Variants in GPR137C observed in about 807,000 individuals in gnomAD.
GPR137C encodes G protein-coupled receptor 137C.
Under a neutral mutation model 43.4 loss-of-function variants are expected in GPR137C, and 27 were observed. The observed-to-expected ratio is 0.62, with a 90% CI of 0.46 to 0.86. The LOEUF is 0.86. Among genes scored for constraint, GPR137C ranks in the 40% least tolerant of loss-of-function variants. GPR137C has a pLI of 0.00. For missense variants in GPR137C, 522 were observed against 534.6 expected, an observed-to-expected ratio of 0.98 and a Z score of 0.23; for synonymous variants, 285 against 226.9, an observed-to-expected ratio of 1.26 and a Z score of -2.30.
In GPR137C at chr14:52,552,850, G is replaced by T. The variant is rs561145053; in HGVS notation, c.-298G>T. On this transcript the variant is annotated 5_prime_UTR_variant, in exon 1 of 7. Transcript: ENST00000321662. ...CGCGAGCCCACAGTGCGGAGCGAGC[G>T]CCTCAAATGCTCGGGTTTCTCAGCT... Among the ~76,000 whole-genome samples, 12 of 152,086 alleles carry T rather than the reference G, an allele frequency of 7.9e-5. No homozygotes were observed. Among genetic ancestry groups the T allele is most frequent in the Admixed American group, 7.2e-4 (11 of 15,288 alleles).
chr14:52,628,612 A>G (rs2039257921), intron 3 of GPR137C, among the ~76,000 whole-genome samples: 1 of 152,178 alleles, frequency 6.6e-6, no homozygotes, highest in Non-Finnish European at 1.5e-5. Context: ...CCTGGCCAAC[A>G]TGGTAAAACT....
At chr14:52,604,185 A>G (rs967355047) in intron 3 of GPR137C, among the ~76,000 whole-genome samples, 8 of 152,122 alleles carry the variant, frequency 5.3e-5, no homozygotes, top group Admixed American at 4.6e-4. Flanking sequence ...GATAACTTGT[A>G]AATATTTACT....
At chr14:52,564,977 T>A (rs1018863642) in intron 1 of GPR137C, among the ~76,000 whole-genome samples, 1 of 152,100 alleles carries the variant, frequency 6.6e-6, no homozygotes, top group African/African-American at 2.4e-5. Flanking sequence ...CAAAATCAGA[T>A]GCCTAGAGGG....
At chr14:52,613,711 C>A (rs1594803293) in intron 3 of GPR137C, 1 of 274,002 alleles carries the variant, frequency 3.6e-6, no homozygotes, top group Non-Finnish European at 7.4e-6. Context: ...AATAGTACTC[C>A]ATTGTGTGTA....
chr14:52,583,582 T>C (rs1232807956), intron 1 of GPR137C, among the ~76,000 whole-genome samples: 2 of 152,226 alleles, frequency 1.3e-5, no homozygotes, highest in African/African-American at 4.8e-5. Flanking sequence ...ATGCCTTCAC[T>C]GAAATCTAGC....
chr14:52,623,333 G>A (rs925397801), intron 3 of GPR137C, among the ~76,000 whole-genome samples: 1 of 152,118 alleles, frequency 6.6e-6, no homozygotes, highest in Admixed American at 6.5e-5. Context: ...CCATCCAGCA[G>A]GCATTCAGCA....
chr14:52,564,802 T>C (rs776078291), intron 1 of GPR137C, among the ~76,000 whole-genome samples: 11 of 152,170 alleles, frequency 7.2e-5, no homozygotes, highest in South Asian at 2.1e-4. Flanking sequence ...TCAGTAAATA[T>C]TGAATGAAGT....
At chr14:52,599,131 G>A (rs1055576963) in intron 2 of GPR137C, among the ~76,000 whole-genome samples, 5 of 152,118 alleles carry the variant, frequency 3.3e-5, no homozygotes, top group South Asian at 2.1e-4. Flanking sequence ...CTGGGATTAC[G>A]TTCGTGCAGA....
In GPR137C at chr14:52,600,396, A is replaced by G. The variant is rs1441732434; in HGVS notation, c.717+55A>G. ...AAATCTAATTTCAAATTCTTACCCT[A>G]CTAATCATATTTTAATGGAAAGTTT... is the stretch of plus-strand genomic sequence containing the variant. On this transcript the variant is annotated intron_variant, in intron 3 of 6. Transcript: ENST00000321662. The G allele has an allele frequency of 1.4e-5, 12 of 862,872 alleles. 1 individual carries two copies. The highest frequency in any genetic ancestry group is 9.9e-5 in the Admixed American group (4 of 40,452). 53.5% of individuals were successfully genotyped at this position (862,872 alleles called of 1,614,324 possible). A position where few individuals can be genotyped will look rare whatever the true frequency, so the allele number is the denominator to read the frequency against.
At chr14:52,570,026 T>C (rs892709880) in intron 1 of GPR137C, among the ~76,000 whole-genome samples, 8 of 151,844 alleles carry the variant, frequency 5.3e-5, no homozygotes, top group African/African-American at 1.7e-4. Context: ...AGAAGAGCAA[T>C]GCAAGACACA....
chr14:52,596,495 G>A (rs892366238), intron 1 of GPR137C, among the ~76,000 whole-genome samples: 9 of 152,346 alleles, frequency 5.9e-5, no homozygotes, highest in African/African-American at 2.2e-4. Flanking sequence ...GAGCTTCCTG[G>A]CTGGTTTGTT....
rs542681691 is a variant in GPR137C, at chr14:52,635,400, T to A, written c.*285T>A. 3.7e-6 allele frequency: 1 copy of A among 270,132 alleles called. No homozygotes were observed. The highest frequency in any genetic ancestry group is 6.8e-5 in the South Asian group (1 of 14,640). The allele number at this position is 270,132 out of a possible 1,614,324, so 16.7% of individuals were successfully genotyped here. A position where few individuals can be genotyped will look rare whatever the true frequency, so the allele number is the denominator to read the frequency against. On this transcript the variant is annotated 3_prime_UTR_variant, in exon 7 of 7. Coordinates refer to ENST00000321662, the MANE Select transcript of GPR137C (RefSeq NM_001099652.2). ...GAACATCAAATGCATATGTGCACTTTTATCTTTGTTCTGAGTCACTGCAGT... is the reference window on the plus strand; with the variant it reads ...GAACATCAAATGCATATGTGCACTTATATCTTTGTTCTGAGTCACTGCAGT...
In GPR137C at chr14:52,600,311, G is replaced by T; in HGVS notation, c.687G>T (p.Met229Ile). The stretch of plus-strand genomic sequence containing the variant: ...GTTACATATGCAAAATTACAAAAAT[G>T]TCATCAGCTAATGTCTACCTCGAAT... ...LVCYICKITKMSSANVYLESK... is the reference protein window; with the variant it reads ...LVCYICKITKISSANVYLESK... Residue 229 changes from methionine to isoleucine, a missense_variant, in exon 3 of 7, where the codon ATG becomes ATT. Met to Ile is a conservative substitution (Grantham distance 10). Coordinates refer to ENST00000321662, the MANE Select transcript of GPR137C (RefSeq NM_001099652.2). 1 of 1,605,886 alleles carries T rather than the reference G, an allele frequency of 6.2e-7. No individual in the cohort carries two copies. The highest frequency in any genetic ancestry group is 8.5e-7 in the Non-Finnish European group (1 of 1,173,362).
chr14:52,629,592 G>C (rs1195978513), intron 3 of GPR137C, among the ~76,000 whole-genome samples: 1 of 152,138 alleles, frequency 6.6e-6, no homozygotes, highest in Non-Finnish European at 1.5e-5. Flanking sequence ...ACATACAAGA[G>C]TTCATATTCT....
intron 3 of GPR137C, among the ~76,000 whole-genome samples, chr14:52,604,814 G>T (rs888976801): frequency 3.3e-5 from 5 of 152,084 alleles, no homozygotes; most frequent in African/African-American, 1.2e-4. Flanking sequence ...TATTGAGATT[G>T]TGACTTCCCC....
chr14:52,585,975 G>A (rs1485517133), intron 1 of GPR137C, among the ~76,000 whole-genome samples: 1 of 152,218 alleles, frequency 6.6e-6, no homozygotes, highest in Non-Finnish European at 1.5e-5. Context: ...GGGCAGCACT[G>A]TGAGAGGATG....
rs2038486116 is a variant in GPR137C at position 52,572,459 on chromosome 14, A to T, written c.444+18868A>T. Among the ~76,000 whole-genome samples, 3 of 152,236 alleles carry T rather than the reference A, an allele frequency of 2.0e-5. No homozygotes were observed. In the South Asian group the frequency reaches 6.2e-4, roughly 32 times the overall value. On this transcript the variant is annotated intron_variant, in intron 1 of 6. Coordinates refer to ENST00000321662, the MANE Select transcript of GPR137C (RefSeq NM_001099652.2). ...TGGTTCAACATATGCAAATCAATAA[A>T]CATAATTCATCACATAAACAGAACC...
chr14:52,597,957 G>T (rs1168361828), intron 1 of GPR137C, among the ~76,000 whole-genome samples: 2 of 152,146 alleles, frequency 1.3e-5, no homozygotes, highest in Admixed American at 1.3e-4. Flanking sequence ...TGAAGTTTAG[G>T]ATAGGTGGCA....
At chr14:52,605,155 A>C (rs932655947) in intron 3 of GPR137C, among the ~76,000 whole-genome samples, 5 of 152,094 alleles carry the variant, frequency 3.3e-5, no homozygotes, top group African/African-American at 1.2e-4. Flanking sequence ...GTAGTATAGA[A>C]ATTTTCACAA....
Sources: gnomAD v4.1 joint callset for allele counts (sites outside exome capture counted in the v4.1 genomes callset) on GRCh38, gnomAD v4.1.1 for gene constraint, MANE v1.5 for transcripts, NCBI Gene and HGNC (gene_info 2026-07-23, HGNC 2026-07-21) for gene names.